The following DUSP14 variants were observed in gnomAD, a reference collection of about 807,000 sequenced individuals.
DUSP14 encodes the protein dual specificity protein phosphatase 14.
In DUSP14, 5 loss-of-function variants were observed where a neutral mutation model predicts 13.2. The ratio of observed to expected loss-of-function variants is 0.38; its 90% CI spans 0.20 to 0.80. The LOEUF is 0.80. Ranked by LOEUF, DUSP14 falls within the 30% of genes least tolerant of loss-of-function variation. The probability of loss-of-function intolerance (pLI) is 0.44; values close to 1 mark genes in which losing one functional copy is unlikely to be tolerated. For missense variants in DUSP14, 185 were observed against 264.0 expected, an observed-to-expected ratio of 0.70 and a Z score of 2.07; for synonymous variants, 91 against 103.4, an observed-to-expected ratio of 0.88 and a Z score of 0.73.
In DUSP14 at chr17:37,513,112, T is replaced by TAATC. The variant is rs1159133510; in HGVS notation, c.*245_*248dup. 3.6e-5 allele frequency: 19 copies of TAATC among 534,684 alleles called. No homozygotes were observed. In the South Asian group the frequency reaches 3.7e-4, roughly 10 times the overall value. The allele number at this position is 534,684 out of a possible 1,614,324, so 33.1% of individuals were successfully genotyped here. A position where few individuals can be genotyped will look rare whatever the true frequency, so the allele number is the denominator to read the frequency against. ...AGTGTTTATGGAAATCTTTAGCTTT[T>TAATC]AATCATTTTTACCAATTTGAACAGT... On this transcript the variant is annotated 3_prime_UTR_variant, in exon 3 of 3. Transcript: ENST00000617516.
At chr17:37,506,896 T>A (rs530143756) in intron 1 of DUSP14, among the ~76,000 whole-genome samples, 1 of 152,304 alleles carries the variant, frequency 6.6e-6, no homozygotes, top group Admixed American at 6.5e-5. Flanking sequence ...TTAGCCTTTC[T>A]GTAAGTAGCA....
rs556890149 is a variant in DUSP14, at chr17:37,504,908, T to G, written c.-180-5769T>G. On this transcript the variant is annotated intron_variant, in intron 1 of 2. Transcript: ENST00000617516. ...AATTTTACTTTTTTGTTTTTATATT[T>G]TGCGACAGAGTCTTGCTCTGTTAAC... 7.2e-5 allele frequency among the ~76,000 whole-genome samples: 11 copies of G among 151,940 alleles called. No individual in the cohort carries two copies. The East Asian group carries it at 2.1e-3, about 30-fold the overall frequency.
Position 37,513,311 on chromosome 17 carries a change from C to A in DUSP14, c.*442C>A. The A allele has an allele frequency of 1.1e-5, 2 of 180,678 alleles. No homozygotes were observed. The allele number at this position is 180,678 out of a possible 1,614,324, so 11.2% of individuals were successfully genotyped here. A position where few individuals can be genotyped will look rare whatever the true frequency, so the allele number is the denominator to read the frequency against. On this transcript the variant is annotated 3_prime_UTR_variant, in exon 3 of 3. Coordinates refer to ENST00000617516, the MANE Select transcript of DUSP14 (RefSeq NM_007026.4). Reference sequence around the variant, plus strand: ...GGGAAGGTTGATAACCAGCTTCAGTCTCTACTGGATTAGCCCTACTCTTTC... The same window carrying A: ...GGGAAGGTTGATAACCAGCTTCAGTATCTACTGGATTAGCCCTACTCTTTC...
chr17:37,510,252 G>A (rs980577749), intron 1 of DUSP14: 1 of 152,284 alleles, frequency 6.6e-6, no homozygotes, highest in Admixed American at 6.6e-5. Flanking sequence ...TGCTGCACCT[G>A]GCCTGTCCGT....
Position 37,512,420 on chromosome 17 carries a change from G to A in DUSP14, c.148G>A (p.Ala50Thr). ...GGCCTCCAATCGGCACCTCCTCCAG[G>A]CTCGTGGCATCACCTGCATTGTTAA... ...SVASNRHLLQARGITCIVNAT... is the reference protein window; with the variant it reads ...SVASNRHLLQTRGITCIVNAT... Residue 50 changes from alanine (A) to threonine (T), a missense_variant, in exon 3 of 3, where the codon GCT becomes ACT. Transcript: ENST00000617516. The surrounding 1 kb of genome is among the most constrained non-coding windows in gnomAD (Gnocchi z 4.8). The A allele has an allele frequency of 6.2e-7, 1 of 1,614,116 alleles. No individual in the cohort carries two copies. The highest frequency in any genetic ancestry group is 8.5e-7 in the Non-Finnish European group (1 of 1,180,030).
intron 1 of DUSP14, among the ~76,000 whole-genome samples, chr17:37,501,880 C>T (rs2054107668): frequency 1.3e-5 from 2 of 152,156 alleles, no homozygotes; most frequent in South Asian, 4.1e-4. Context: ...TATAAAACAA[C>T]TCCCCAAGAA....
chr17:37,492,835 A>C (rs977124409), intron 1 of DUSP14, among the ~76,000 whole-genome samples: 19 of 152,194 alleles, frequency 1.2e-4, no homozygotes, highest in Admixed American at 9.8e-4. Context: ...CCTAGCCAGA[A>C]ACTACCCTGA....
At position 37,489,940 on chromosome 17, in the gene DUSP14, TCC is replaced by T. The variant is rs2054014991; in HGVS notation, c.-198_-197del. 1 of 66,510 alleles carries T rather than the reference TCC, an allele frequency of 1.5e-5. No homozygotes were observed. Among genetic ancestry groups the T allele is most frequent in the African/African-American group, 7.5e-5 (1 of 13,294 alleles). 4.1% of individuals were successfully genotyped at this position (66,510 alleles called of 1,614,324 possible). A position where few individuals can be genotyped will look rare whatever the true frequency, so the allele number is the denominator to read the frequency against. ...GGACGGAGCCCTAACCGCAACCCGC[TCC>T]GCGCCGCGCCGCGCCGGTAGGGGAC... On this transcript the variant is annotated 5_prime_UTR_variant, in exon 1 of 3. Transcript: ENST00000617516.
In DUSP14 at chr17:37,513,100, A is replaced by ATCTT. The variant is rs1320341935; in HGVS notation, c.*233_*236dup. On this transcript the variant is annotated 3_prime_UTR_variant, in exon 3 of 3. Transcript: ENST00000617516. ...ACATTTTGGAATAGTGTTTATGGAA[A>ATCTT]TCTTTAGCTTTTAATCATTTTTACC... is the stretch of plus-strand genomic sequence containing the variant. 6 of 540,132 alleles carry ATCTT rather than the reference A, an allele frequency of 1.1e-5. No homozygotes were observed. The highest frequency in any genetic ancestry group is 2.0e-5 in the Non-Finnish European group (6 of 299,514). 33.5% of individuals were successfully genotyped at this position (540,132 alleles called of 1,614,324 possible). A position where few individuals can be genotyped will look rare whatever the true frequency, so the allele number is the denominator to read the frequency against.
Position 37,511,759 on chromosome 17 carries a change from AAAAAAAT to A in DUSP14, c.-92-402_-92-396del, listed in dbSNP as rs201355479. On this transcript the variant is annotated intron_variant, in intron 2 of 2. Coordinates refer to ENST00000617516, the MANE Select transcript of DUSP14 (RefSeq NM_007026.4). ...TGCACTACCACACCCAGCTAATTAA[AAAAAAAT>A]AAAAAATAAAAAATAAAAAGTTTTT... Among the ~76,000 whole-genome samples the A allele has an allele frequency of 9.1e-3, 1,368 of 149,848 alleles. 23 individuals carry two copies. The highest frequency in any genetic ancestry group is 0.037 in the South Asian group (172 of 4,692).
intron 2 of DUSP14, among the ~76,000 whole-genome samples, 160 bp downstream of exon 2, chr17:37,510,924 G>A (rs2054179341): frequency 6.6e-6 from 1 of 151,916 alleles, no homozygotes; most frequent in Non-Finnish European, 1.5e-5. Context: ...TTGGTGAGAG[G>A]AACGGATGTA....
At chr17:37,493,793 C>T (rs554885565) in intron 1 of DUSP14, among the ~76,000 whole-genome samples, 1 of 151,886 alleles carries the variant, frequency 6.6e-6, no homozygotes, top group Non-Finnish European at 1.5e-5. Context: ...TGAATCCTGC[C>T]TCTGGTGAAT....
intron 1 of DUSP14, among the ~76,000 whole-genome samples, chr17:37,509,685 C>T (rs2054170311): frequency 6.6e-6 from 1 of 151,626 alleles, no homozygotes; most frequent in African/African-American, 2.4e-5. Flanking sequence ...GAGTGCAAAC[C>T]ATAGTGATAA....
At chr17:37,490,236 C>T (rs985291188) in intron 1 of DUSP14, among the ~76,000 whole-genome samples, 1 of 151,860 alleles carries the variant, frequency 6.6e-6, no homozygotes, top group Non-Finnish European at 1.5e-5. Context: ...GCCGCGCCGC[C>T]CCCGCGACCC....
chr17:37,507,393 G>T (rs913035691), intron 1 of DUSP14, among the ~76,000 whole-genome samples: 1 of 152,200 alleles, frequency 6.6e-6, no homozygotes, highest in African/African-American at 2.4e-5. Flanking sequence ...GCGAGTTAAC[G>T]GAATCAGCCC....
At chr17:37,489,691 G>T (rs1432600417), upstream of DUSP14, 1 of 151,840 alleles carries the variant, frequency 6.6e-6, no homozygotes, top group Admixed American at 6.6e-5. Context: ...GCTGCCTCGG[G>T]AGCTAGGGCG....
rs563911120 is a variant in DUSP14, at chr17:37,512,584, C to T, written c.312C>T (p.His104=). The change falls in exon 3 of 3, where the codon CAC becomes CAT. Residue 104 remains histidine, a synonymous_variant. Transcript: ENST00000617516. The surrounding 1 kb of genome is among the most constrained non-coding windows in gnomAD (Gnocchi z 4.8). Reference sequence around the variant, plus strand: ...AGATCCACAGTGTGAGCAGGAAGCACGGGGCCACCTTGGTGCACTGTGCTG... The same window carrying T: ...AGATCCACAGTGTGAGCAGGAAGCATGGGGCCACCTTGGTGCACTGTGCTG... The part of the protein sequence containing the change: ...ADKIHSVSRK[H]GATLVHCAAG... 2.1e-5 allele frequency: 34 copies of T among 1,614,146 alleles called. No homozygotes were observed. In the African/African-American group the frequency reaches 2.4e-4, roughly 11 times the overall value.
chr17:37,496,915 C>CAAAAAAAAAAAAAAA (rs71135730), intron 1 of DUSP14, among the ~76,000 whole-genome samples: 1 of 98,644 alleles, frequency 1.0e-5, no homozygotes, highest in African/African-American at 4.0e-5. Context: ...GACTCTGTCT[C>CAAAAAAAAAAAAAAA]AAAAAAAAAA....
chr17:37,489,274 C>T (rs1448175342), upstream of DUSP14, among the ~76,000 whole-genome samples: 1 of 152,092 alleles, frequency 6.6e-6, no homozygotes, highest in African/African-American at 2.4e-5. Context: ...GGCACCTTGG[C>T]GTGGCGAGAG....
Sources: gnomAD v4.1 joint callset for allele counts (sites outside exome capture counted in the v4.1 genomes callset) on GRCh38, gnomAD v4.1.1 for gene constraint, Gnocchi (gnomAD v3.1) non-coding constraint, MANE v1.5 for transcripts, NCBI Gene and HGNC (gene_info 2026-07-23, HGNC 2026-07-21) for gene names.